The following B4GALT6 variants were observed in gnomAD, a reference collection of about 807,000 sequenced individuals.
The protein encoded by B4GALT6 is UDP-Gal:beta-GlcNAc beta-1,4-galactosyltransferase 6.
A neutral mutation model predicts 46.3 loss-of-function variants in B4GALT6; 14 were observed. That is an observed-to-expected ratio of 0.30 (90% confidence interval 0.20 to 0.47). B4GALT6 has a LOEUF of 0.47. Ranked by LOEUF, B4GALT6 falls within the 20% of genes least tolerant of loss-of-function variation. The probability of loss-of-function intolerance (pLI) is 0.99; values close to 1 mark genes in which losing one functional copy is unlikely to be tolerated. For missense variants in B4GALT6, 386 were observed against 480.1 expected, an observed-to-expected ratio of 0.80 and a Z score of 1.83; for synonymous variants, 168 against 162.0, an observed-to-expected ratio of 1.04 and a Z score of -0.28.
At position 31,627,120 on chromosome 18, in the gene B4GALT6, G is replaced by T; in HGVS notation, c.778C>A (p.Leu260Ile). The T allele has an allele frequency of 6.3e-7, 1 of 1,590,252 alleles. No individual in the cohort carries two copies. The highest frequency in any genetic ancestry group is 1.2e-5 in the South Asian group (1 of 85,520). The change falls in exon 7 of 9, where the codon CTT becomes ATT. Residue 260 changes from leucine (L) to isoleucine (I), a missense_variant and splice_region_variant. This residue lies in a region of B4GALT6 where 323 missense variants were observed against 438.9 expected (regional missense o/e 0.74). Transcript: ENST00000306851. ...CCACCAAAAAATTCTTTATATGGAAGACTAGAAAAGAAAGACACAGTATTC... is the reference window on the plus strand; with the variant it reads ...CCACCAAAAAATTCTTTATATGGAATACTAGAAAAGAAAGACACAGTATTC... ...AAKLDKYMYI[L>I]PYKEFFGGVS...
intron 6 of B4GALT6, among the ~76,000 whole-genome samples, chr18:31,629,010 C>G (rs576073329): frequency 6.6e-6 from 1 of 152,208 alleles, no homozygotes. Context: ...GCCTACTCCA[C>G]GTGAGGACGA....
At chr18:31,688,637 A>G (rs930593086), upstream of B4GALT6, among the ~76,000 whole-genome samples, 11 of 152,180 alleles carry the variant, frequency 7.2e-5, no homozygotes, top group African/African-American at 2.7e-4. Context: ...ATTCTTTCAC[A>G]TCATGCAAAT....
chr18:31,703,324 G>GA, the B4GALT6 span, among the ~76,000 whole-genome samples: 3 of 151,264 alleles, frequency 2.0e-5, no homozygotes, highest in African/African-American at 7.3e-5. Flanking sequence ...GGTCTGAGGA[G>GA]AAAAAAAAAT....
rs1280053545 is a variant in B4GALT6 at position 31,684,307 on chromosome 18, C to T, written c.115+5G>A. On this transcript the variant is annotated splice_donor_5th_base_variant and intron_variant, in intron 1 of 8. Coordinates refer to ENST00000306851, the MANE Select transcript of B4GALT6 (RefSeq NM_004775.5). ...GGGGAAGCGAGGGTGTGTCTCGGTG[C>T]TTACCGATGCCTGGGGCCACATAGA... 6.2e-7 allele frequency: 1 copy of T among 1,612,946 alleles called. No homozygotes were observed. The highest frequency in any genetic ancestry group is 1.3e-5 in the African/African-American group (1 of 74,746).
chr18:31,626,612 G>T (rs540849241), intron 7 of B4GALT6, among the ~76,000 whole-genome samples: 13 of 152,274 alleles, frequency 8.5e-5, no homozygotes, highest in Non-Finnish European at 1.3e-4. Flanking sequence ...AATGGCATTA[G>T]ATTTTCAGAG....
At chr18:31,683,319 G>C (rs1270157986) in intron 1 of B4GALT6, among the ~76,000 whole-genome samples, 1 of 152,114 alleles carries the variant, frequency 6.6e-6, no homozygotes, top group Admixed American at 6.5e-5. Flanking sequence ...TAGCTAACTC[G>C]GAACAAAGAG....
chr18:31,634,811 T>C (rs1395521101), intron 5 of B4GALT6, among the ~76,000 whole-genome samples: 3 of 152,292 alleles, frequency 2.0e-5, no homozygotes, highest in East Asian at 3.9e-4. Flanking sequence ...AAATACACAG[T>C]CCTGAATTAA....
the B4GALT6 span, among the ~76,000 whole-genome samples, chr18:31,695,891 G>C: frequency 3.9e-5 from 6 of 152,232 alleles, no homozygotes; most frequent in East Asian, 1.9e-4. Context: ...AACTCCATTC[G>C]AAGCAGAAAT....
chr18:31,673,347 G>C (rs1488332927), intron 1 of B4GALT6, among the ~76,000 whole-genome samples: 2 of 152,168 alleles, frequency 1.3e-5, no homozygotes, highest in African/African-American at 4.8e-5. Context: ...AGGTGAGAAA[G>C]TTCCAGAAGC....
the B4GALT6 span, among the ~76,000 whole-genome samples, chr18:31,720,155 G>T: frequency 1.3e-5 from 2 of 152,240 alleles, no homozygotes; most frequent in Admixed American, 1.3e-4. Flanking sequence ...AACAAGGACA[G>T]CTTAAAGGTT....
At chr18:31,676,035 A>G (rs2074410335) in intron 1 of B4GALT6, among the ~76,000 whole-genome samples, 1 of 152,178 alleles carries the variant, frequency 6.6e-6, no homozygotes, top group African/African-American at 2.4e-5. Flanking sequence ...CTTCCAAAGC[A>G]TATTTTCAAA....
intron 4 of B4GALT6, among the ~76,000 whole-genome samples, chr18:31,639,188 G>A (rs562661551): frequency 1.3e-5 from 2 of 152,310 alleles, no homozygotes; most frequent in African/African-American, 2.4e-5. Context: ...TAAAGGAGAA[G>A]AGAAGTACAT....
intron 2 of B4GALT6, among the ~76,000 whole-genome samples, chr18:31,664,131 C>T (rs2074253891): frequency 6.7e-6 from 1 of 149,942 alleles, no homozygotes; most frequent in African/African-American, 2.5e-5. Flanking sequence ...TTTGTTCTCG[C>T]TTTCCTCCTT....
At chr18:31,645,333 T>C in intron 4 of B4GALT6, 22 bp downstream of exon 4, 1 of 1,612,502 alleles carries the variant, frequency 6.2e-7, no homozygotes, top group Non-Finnish European at 8.5e-7. Context: ...ATCAAATTGC[T>C]TATGAAAAGA....
At chr18:31,717,886 G>A in the B4GALT6 span, among the ~76,000 whole-genome samples, 13 of 150,628 alleles carry the variant, frequency 8.6e-5, no homozygotes, top group South Asian at 2.1e-4. Context: ...CCCGGGAGGC[G>A]GAGGTTGTGG....
intron 5 of B4GALT6, among the ~76,000 whole-genome samples, chr18:31,631,418 G>C (rs905989441): frequency 6.6e-6 from 1 of 151,742 alleles, no homozygotes; most frequent in Non-Finnish European, 1.5e-5. Flanking sequence ...ACAATAATTA[G>C]ACCCAAATGA....
chr18:31,714,558 C>A, the B4GALT6 span, among the ~76,000 whole-genome samples: 1 of 152,142 alleles, frequency 6.6e-6, no homozygotes, highest in African/African-American at 2.4e-5. Flanking sequence ...TACAGTCAGG[C>A]CACCACCCTC....
the B4GALT6 span, among the ~76,000 whole-genome samples, chr18:31,707,565 A>G: frequency 1.3e-5 from 2 of 152,204 alleles, no homozygotes; most frequent in Non-Finnish European, 2.9e-5. Context: ...TAGAATGGTC[A>G]AAAAGAGTCA....
At chr18:31,714,611 T>C in the B4GALT6 span, among the ~76,000 whole-genome samples, 1 of 152,258 alleles carries the variant, frequency 6.6e-6, no homozygotes, top group Admixed American at 6.5e-5. Context: ...CTTTGCCCAC[T>C]CTGGAAAACT....
Sources: gnomAD v4.1 joint callset for allele counts (sites outside exome capture counted in the v4.1 genomes callset) on GRCh38, gnomAD v4.1.1 for gene constraint, gnomAD v4.1.1 regional missense constraint, MANE v1.5 for transcripts, NCBI Gene and HGNC (gene_info 2026-07-23, HGNC 2026-07-21) for gene names.